Variants in SCP2 observed in about 807,000 individuals in gnomAD.
The protein encoded by SCP2 is SCP-2/3-oxoacyl-CoA thiolase.
A neutral mutation model predicts 71.4 loss-of-function variants in SCP2; 48 were observed. The ratio of observed to expected loss-of-function variants is 0.67; its 90% CI spans 0.53 to 0.86. The LOEUF is 0.86. Among genes scored for constraint, SCP2 ranks in the 40% least tolerant of loss-of-function variants. The pLI, the probability that SCP2 is intolerant of heterozygous loss-of-function variation, is 0.00. For synonymous variants in SCP2, 220 were observed against 218.1 expected (o/e 1.01, Z -0.08); for missense variants, 560 against 655.6 (o/e 0.85, Z 1.59).
At chr1:53,042,796 A>G (rs1663528714) in intron 14 of SCP2, among the ~76,000 whole-genome samples, 1 of 152,228 alleles carries the variant, frequency 6.6e-6, no homozygotes, top group Non-Finnish European at 1.5e-5. Context: ...GATTTACTTA[A>G]ATGTATTTTG....
chr1:53,031,034 A>G (rs1662512257), intron 13 of SCP2, among the ~76,000 whole-genome samples: 1 of 152,164 alleles, frequency 6.6e-6, no homozygotes, highest in Admixed American at 6.5e-5. Context: ...TCTCGGCTTA[A>G]AAGTTTTGGT....
intron 11 of SCP2, among the ~76,000 whole-genome samples, chr1:52,992,757 T>C (rs998151674): frequency 2.6e-5 from 4 of 152,166 alleles, no homozygotes; most frequent in Admixed American, 1.3e-4. Flanking sequence ...AAGGCTGACA[T>C]TGAAATGTTT....
intron 4 of SCP2, among the ~76,000 whole-genome samples, chr1:52,954,479 G>GT (rs1655617666): frequency 6.6e-6 from 1 of 152,138 alleles, no homozygotes; most frequent in Non-Finnish European, 1.5e-5. Flanking sequence ...GACTACAGGT[G>GT]TGTACCACCA....
At chr1:53,043,262 A>C (rs984196718) in intron 14 of SCP2, among the ~76,000 whole-genome samples, 1 of 152,224 alleles carries the variant, frequency 6.6e-6, no homozygotes, top group African/African-American at 2.4e-5. Context: ...TGTGGGGATT[A>C]AATGAGATAA....
At chr1:52,951,908 G>A (rs1328626685) in intron 4 of SCP2, among the ~76,000 whole-genome samples, 2 of 151,884 alleles carry the variant, frequency 1.3e-5, no homozygotes, top group African/African-American at 2.4e-5. Flanking sequence ...TAATAGAGAC[G>A]GGGTTTCACT....
In SCP2 at chr1:52,954,739, G is replaced by A; in HGVS notation, c.332-1G>A. On this transcript the variant is annotated splice_acceptor_variant, in intron 4 of 15. Coordinates refer to ENST00000371514, the MANE Select transcript of SCP2 (RefSeq NM_002979.5). LOFTEE classifies it high-confidence loss of function. Reference sequence around the variant, plus strand: ...TCAAAATAATTACGTTTTCCTTTAAGGTGTGGCAGAATGTGTCTTGGCTCT... The same window carrying A: ...TCAAAATAATTACGTTTTCCTTTAAAGTGTGGCAGAATGTGTCTTGGCTCT... The A allele has an allele frequency of 6.2e-7, 1 of 1,612,586 alleles. No homozygotes were observed. Among genetic ancestry groups the A allele is most frequent in the African/African-American group, 1.3e-5 (1 of 75,032 alleles).
intron 11 of SCP2, among the ~76,000 whole-genome samples, chr1:52,992,880 G>T (rs1659620700): frequency 6.6e-6 from 1 of 152,014 alleles, no homozygotes; most frequent in Non-Finnish European, 1.5e-5. Context: ...CTTCAGCTTG[G>T]CAAACAGCTT....
At position 53,034,443 on chromosome 1, in the gene SCP2, A is replaced by T. The variant is rs947491665; in HGVS notation, c.1339-4474A>T. ...GGAAGTAGATTTGTGGTTGCCGGGG[A>T]CTGAGGGGTGGAGGAGACAGGGAAT... On this transcript the variant is annotated intron_variant, in intron 13 of 15. Transcript: ENST00000371514. Among the ~76,000 whole-genome samples, 4 of 152,288 alleles carry T rather than the reference A, an allele frequency of 2.6e-5. No homozygotes were observed. The South Asian group carries it at 6.2e-4, about 24-fold the overall frequency.
chr1:53,031,878 C>A (rs1427608760), intron 13 of SCP2, among the ~76,000 whole-genome samples: 1 of 152,150 alleles, frequency 6.6e-6, no homozygotes, highest in Admixed American at 6.5e-5. Flanking sequence ...TTCAAGTATG[C>A]AGGTAGAATT....
intron 1 of SCP2, among the ~76,000 whole-genome samples, chr1:52,938,297 C>T (rs1029988995): frequency 2.0e-5 from 3 of 152,044 alleles, no homozygotes; most frequent in African/African-American, 4.8e-5. Flanking sequence ...TGTATATATG[C>T]GTGTACTGGG....
chr1:52,976,828 C>A, intron 8 of SCP2, 59 bp downstream of exon 8: 1 of 883,982 alleles, frequency 1.1e-6, no homozygotes, highest in Non-Finnish European at 1.9e-6. Context: ...TTCCTGCCAC[C>A]CCCCTGTGGT....
At chr1:53,017,635 T>C (rs972129598) in intron 12 of SCP2, among the ~76,000 whole-genome samples, 2 of 152,208 alleles carry the variant, frequency 1.3e-5, no homozygotes, top group African/African-American at 2.4e-5. Flanking sequence ...TTCTTTTTAA[T>C]GGAAAACTAA....
intron 14 of SCP2, among the ~76,000 whole-genome samples, chr1:53,044,066 T>C (rs943473855): frequency 1.3e-5 from 2 of 149,990 alleles, no homozygotes; most frequent in East Asian, 3.9e-4. Flanking sequence ...TTCCATCTCT[T>C]TTTTTTTTTG....
intron 11 of SCP2, among the ~76,000 whole-genome samples, chr1:53,007,814 C>T (rs1472716276): frequency 1.3e-5 from 2 of 151,764 alleles, no homozygotes; most frequent in Non-Finnish European, 2.9e-5. Context: ...ACAAAAAAAC[C>T]CTTCAAAAAA....
At chr1:52,933,684 G>C (rs1389082008) in intron 1 of SCP2, among the ~76,000 whole-genome samples, 1 of 152,148 alleles carries the variant, frequency 6.6e-6, no homozygotes, top group Non-Finnish European at 1.5e-5. Context: ...AGAAATGACA[G>C]AACATTACCA....
At chr1:53,021,706 A>G (rs1452041703) in intron 12 of SCP2, among the ~76,000 whole-genome samples, 1 of 141,636 alleles carries the variant, frequency 7.1e-6, no homozygotes, top group Non-Finnish European at 1.5e-5. Context: ...GTGCAGCAGT[A>G]TGATCTCATC....
intron 6 of SCP2, among the ~76,000 whole-genome samples, chr1:52,971,364 A>G (rs1241250249): frequency 6.6e-6 from 1 of 152,146 alleles, no homozygotes; most frequent in Non-Finnish European, 1.5e-5. Flanking sequence ...ATATTTTCTC[A>G]AGTTTTACAT....
At chr1:52,998,076 A>C (rs2150204509) in intron 11 of SCP2, among the ~76,000 whole-genome samples, 1 of 152,308 alleles carries the variant, frequency 6.6e-6, no homozygotes, top group African/African-American at 2.4e-5. Context: ...TCTTTTTATC[A>C]GTAGTTCTTT....
intron 10 of SCP2, among the ~76,000 whole-genome samples, chr1:52,984,264 TGA>T (rs138000854): frequency 6.6e-6 from 1 of 151,924 alleles, no homozygotes; most frequent in Non-Finnish European, 1.5e-5. Flanking sequence ...GCAAAGCTGT[TGA>T]GAGAGAGAGA....
Sources: allele counts gnomAD v4.1 joint callset (sites outside exome capture counted in the v4.1 genomes callset), GRCh38; gene constraint gnomAD v4.1.1; transcripts MANE v1.5; gene names NCBI Gene and HGNC (gene_info 2026-07-23, HGNC 2026-07-21).